Variants in TUBGCP3 observed in about 807,000 individuals in gnomAD.
TUBGCP3 encodes gamma-tubulin complex component 3.
TUBGCP3 carries 50 observed loss-of-function variants against 123.1 expected under a neutral mutation model. That is an observed-to-expected ratio of 0.41 (90% CI 0.32 to 0.51). The LOEUF (loss-of-function observed/expected upper bound fraction) is 0.51, where lower values mean the gene tolerates loss of function less well. Among genes scored for constraint, TUBGCP3 ranks in the 20% least tolerant of loss-of-function variants. The probability of loss-of-function intolerance (pLI) is 0.36; values close to 1 mark genes in which losing one functional copy is unlikely to be tolerated. For missense variants in TUBGCP3, 882 were observed against 1,127.0 expected, an observed-to-expected ratio of 0.78 and a Z score of 3.11; for synonymous variants, 405 against 413.9, an observed-to-expected ratio of 0.98 and a Z score of 0.26.
At chr13:112,550,701 G>A (rs979243339) in intron 8 of TUBGCP3, among the ~76,000 whole-genome samples, 2 of 152,234 alleles carry the variant, frequency 1.3e-5, no homozygotes, top group Non-Finnish European at 2.9e-5. Flanking sequence ...CAGAGAAAAC[G>A]ACATGGAATC....
intron 16 of TUBGCP3, among the ~76,000 whole-genome samples, chr13:112,517,805 C>T (rs1362056909): frequency 1.3e-5 from 2 of 152,138 alleles, no homozygotes; most frequent in African/African-American, 4.8e-5. Context: ...GCAGGAGAAT[C>T]GCTTGAATCT....
At chr13:112,488,180 T>C (rs965594996) in intron 21 of TUBGCP3, among the ~76,000 whole-genome samples, 1 of 137,574 alleles carries the variant, frequency 7.3e-6, no homozygotes, top group Admixed American at 7.5e-5. Context: ...GCAAACTAGA[T>C]GCCCACAGAA....
At position 112,504,096 on chromosome 13, in the gene TUBGCP3, A is replaced by G; in HGVS notation, c.2243T>C (p.Ile748Thr). Reference sequence around the variant, plus strand: ...GTCTAAGAACACCTCGTGTGCAGCAATGATGTGATCCAAATCCTGGGCCTG... The same window carrying G: ...GTCTAAGAACACCTCGTGTGCAGCAGTGATGTGATCCAAATCCTGGGCCTG... The part of the protein sequence containing the change: ...VQQAQDLDHI[I>T]AAHEVFLDTI... Residue 748 changes from isoleucine to threonine, a missense_variant, in exon 19 of 22, where the codon ATT (isoleucine) becomes ACT (threonine). By Grantham distance (89) the Ile-to-Thr change is moderately conservative. Transcript: ENST00000261965. 1.9e-6 allele frequency: 3 copies of G among 1,614,186 alleles called. No individual in the cohort carries two copies. The highest frequency in any genetic ancestry group is 1.7e-6 in the Non-Finnish European group (2 of 1,180,034).
At chr13:112,547,519 G>A (rs1879118980) in intron 10 of TUBGCP3, 101 bp downstream of exon 10, 11 of 1,344,426 alleles carry the variant, frequency 8.2e-6, no homozygotes, top group South Asian at 2.2e-5. Context: ...TGGGAAAGAC[G>A]CGCGTGGGAA....
chr13:112,552,472 G>A (rs997572148), intron 8 of TUBGCP3, among the ~76,000 whole-genome samples: 3 of 152,216 alleles, frequency 2.0e-5, no homozygotes, highest in Non-Finnish European at 4.4e-5. Context: ...AGGGAGAGTG[G>A]TGGCTGGTCA....
rs773836458 is a variant in TUBGCP3 at position 112,522,415 on chromosome 13, A to G, written c.1650T>C (p.Asn550=). Residue 550 remains asparagine, a synonymous_variant, in exon 14 of 22, where the codon AAT becomes AAC. Coordinates refer to ENST00000261965, the MANE Select transcript of TUBGCP3 (RefSeq NM_006322.6). ...TGTGGTCCAGCAAGCTGTACTTTTT[A>G]TTGAGAACATCCAACAGGTATTTGC... ...ETSKYLLDVL[N]KKYSLLDHMQ... is the part of the protein sequence containing the mutation. 14 of 1,614,074 alleles carry G rather than the reference A, an allele frequency of 8.7e-6. 1 individual carries two copies. The South Asian group carries it at 1.5e-4, about 18-fold the overall frequency.
intron 19 of TUBGCP3, among the ~76,000 whole-genome samples, chr13:112,500,579 A>G (rs1281834223): frequency 6.6e-6 from 1 of 152,266 alleles, no homozygotes; most frequent in East Asian, 1.9e-4. Context: ...TCTCAAATGT[A>G]GCAATAATGT....
At chr13:112,577,587 T>C (rs533202761) in intron 1 of TUBGCP3, among the ~76,000 whole-genome samples, 1 of 151,588 alleles carries the variant, frequency 6.6e-6, no homozygotes, top group African/African-American at 2.4e-5. Context: ...GAGTGCTAAG[T>C]GAGGAAATCT....
At chr13:112,529,523 G>A (rs530909642) in intron 11 of TUBGCP3, among the ~76,000 whole-genome samples, 207 of 152,230 alleles carry the variant, frequency 1.4e-3, no homozygotes, top group African/African-American at 4.8e-3. Context: ...TGCTCTTCCT[G>A]GGGCTCCCCA....
At chr13:112,541,223 G>A (rs926950720) in intron 11 of TUBGCP3, among the ~76,000 whole-genome samples, 3 of 152,088 alleles carry the variant, frequency 2.0e-5, no homozygotes, top group African/African-American at 4.8e-5. Flanking sequence ...AAGAACTCGC[G>A]GTACCTTTAA....
chr13:112,545,539 A>C lies in TUBGCP3; in HGVS notation c.1335+160T>G. The C allele has an allele frequency of 1.4e-6, 1 of 720,210 alleles. No homozygotes were observed. The highest frequency in any genetic ancestry group is 2.0e-5 in the South Asian group (1 of 48,806). The allele number at this position is 720,210 out of a possible 1,614,324, so 44.6% of individuals were successfully genotyped here. A position where few individuals can be genotyped will look rare whatever the true frequency, so the allele number is the denominator to read the frequency against. On this transcript the variant is annotated intron_variant, in intron 11 of 21. Coordinates refer to ENST00000261965, the MANE Select transcript of TUBGCP3 (RefSeq NM_006322.6). The surrounding 1 kb of genome is among the most constrained non-coding windows in gnomAD (Gnocchi z 4.1). ...TTATCTGCTGTTCAGTGAGATAACC[A>C]GCTGTCGAGGCACTGTGTAAAATGT... is the stretch of plus-strand genomic sequence containing the variant.
At chr13:112,533,983 A>G (rs1433658938) in intron 11 of TUBGCP3, among the ~76,000 whole-genome samples, 1 of 151,864 alleles carries the variant, frequency 6.6e-6, no homozygotes, top group African/African-American at 2.4e-5. Flanking sequence ...TTTCCCTCCA[A>G]GGGAATTTCT....
intron 17 of TUBGCP3, 134 bp downstream of exon 17, chr13:112,516,306 C>A (rs1876118359): frequency 7.5e-6 from 7 of 935,130 alleles, no homozygotes; most frequent in Non-Finnish European, 1.0e-5. Context: ...AAAGAAAGTT[C>A]GCCATCTGAA....
At chr13:112,577,072 A>G (rs535058786) in intron 1 of TUBGCP3, among the ~76,000 whole-genome samples, 1 of 152,272 alleles carries the variant, frequency 6.6e-6, no homozygotes, top group African/African-American at 2.4e-5. Context: ...AGAATCAGGA[A>G]GGGATACTGC....
intron 11 of TUBGCP3, among the ~76,000 whole-genome samples, chr13:112,537,968 G>A (rs1380408808): frequency 2.6e-5 from 4 of 152,150 alleles, no homozygotes; most frequent in Non-Finnish European, 1.5e-5. Context: ...CAGAATTCTT[G>A]AATCATCATG....
At chr13:112,546,146 C>T (rs17121253) in intron 10 of TUBGCP3, 36,705 of 335,672 alleles carry the variant, frequency 0.11, 3,716 homozygotes, top group African/African-American at 0.34. Flanking sequence ...AAAAAATTGC[C>T]GGCTACACAA....
the TUBGCP3 span, among the ~76,000 whole-genome samples, chr13:112,601,455 G>A: frequency 3.3e-5 from 5 of 152,180 alleles, no homozygotes; most frequent in South Asian, 4.1e-4. Context: ...TCTCGGTAGC[G>A]TTAACAGCGC....
chr13:112,547,885 A>T, intron 9 of TUBGCP3, 133 bp from the exon 10 acceptor site: 3 of 1,166,132 alleles, frequency 2.6e-6, no homozygotes, highest in Non-Finnish European at 3.4e-6. Flanking sequence ...TTAAAAAAAA[A>T]TAGTATTTTA....
chr13:112,529,837 C>T (rs950260803), intron 11 of TUBGCP3, among the ~76,000 whole-genome samples: 1 of 152,176 alleles, frequency 6.6e-6, no homozygotes, highest in African/African-American at 2.4e-5. Context: ...ACATTTCAGT[C>T]GTATCACACC....
Sources: gnomAD v4.1 joint callset for allele counts (sites outside exome capture counted in the v4.1 genomes callset) on GRCh38, gnomAD v4.1.1 for gene constraint, Gnocchi (gnomAD v3.1) non-coding constraint, MANE v1.5 for transcripts, NCBI Gene and HGNC (gene_info 2026-07-23, HGNC 2026-07-21) for gene names.